Variants in COL6A6 observed in about 807,000 individuals in gnomAD.
COL6A6 encodes the protein collagen alpha-6(VI) chain.
A neutral mutation model predicts 208.6 loss-of-function variants in COL6A6; 183 were observed. The ratio of observed to expected loss-of-function variants is 0.88; its 90% CI spans 0.78 to 0.99. COL6A6 has a LOEUF of 0.99. Ranked by LOEUF, COL6A6 falls within the 50% of genes least tolerant of loss-of-function variation. The pLI is 0.00. For synonymous variants in COL6A6, 973 were observed against 1,011.8 expected (o/e 0.96, Z 0.73); for missense variants, 2,816 against 2,815.2 (o/e 1.00, Z -0.01).
intron 24 of COL6A6, among the ~76,000 whole-genome samples, chr3:130,623,435 G>C (rs1228432154): frequency 6.6e-6 from 1 of 152,156 alleles, no homozygotes; most frequent in African/African-American, 2.4e-5. Flanking sequence ...CTCCAGCCTG[G>C]GTGACAGAGT....
Position 130,610,691 on chromosome 3 carries a change from G to T in COL6A6, c.4795G>T (p.Val1599Leu). 6.3e-7 allele frequency: 1 copy of T among 1,590,998 alleles called. No homozygotes were observed. Among genetic ancestry groups the T allele is most frequent in the Non-Finnish European group, 8.6e-7 (1 of 1,167,996 alleles). ...EAGVKGEKGG[V>L]GSKGPQGPPG... ...TGGTGTGAAAGGAGAAAAAGGAGGT[G>T]TGGGAAGTAAAGGTCCCCAGGTATG... The change falls in exon 23 of 37, where the codon GTG (valine) becomes TTG (leucine). Residue 1599 changes from valine to leucine, a missense_variant. Val to Leu is a conservative substitution (Grantham distance 32, BLOSUM62 1). Transcript: ENST00000358511.
chr3:130,675,097 A>G, intron 36 of COL6A6, 105 bp from the exon 37 acceptor site: 1 of 744,496 alleles, frequency 1.3e-6, no homozygotes, highest in Non-Finnish European at 2.0e-6. Flanking sequence ...GAAGGCTGCA[A>G]CAAGGAAATG....
At chr3:130,635,281 A>G (rs1477614827) in intron 27 of COL6A6, among the ~76,000 whole-genome samples, 1 of 152,210 alleles carries the variant, frequency 6.6e-6, no homozygotes, top group Non-Finnish European at 1.5e-5. Flanking sequence ...AAAGAAAATA[A>G]GAGTTATTTG....
At chr3:130,540,337 T>C (rs556718434) in intron 1 of COL6A6, among the ~76,000 whole-genome samples, 1 of 152,340 alleles carries the variant, frequency 6.6e-6, no homozygotes, top group East Asian at 1.9e-4. Flanking sequence ...CTGCCTACGC[T>C]GGCACATCAT....
Position 130,568,233 on chromosome 3 carries a change from A to C in COL6A6, c.2030A>C (p.Asn677Thr), listed in dbSNP as rs761428456. ...ATCAATAAGGAAGAGTTTCAGCTCA[A>C]CAGATTCATGTCCCAAAGCGACATT... ...SDINKEEFQL[N>T]RFMSQSDISN... Residue 677 changes from asparagine (N) to threonine (T), a missense_variant, in exon 6 of 37, where the codon AAC (asparagine) becomes ACC (threonine). Asn to Thr is a moderately conservative substitution (Grantham distance 65, BLOSUM62 0). Coordinates refer to ENST00000358511, the MANE Select transcript of COL6A6 (RefSeq NM_001102608.3). The C allele has an allele frequency of 5.6e-6, 9 of 1,613,924 alleles. No individual in the cohort carries two copies. In the Admixed American group the frequency reaches 1.2e-4, roughly 21 times the overall value.
chr3:130,569,099 G>T (rs559327889), intron 6 of COL6A6, among the ~76,000 whole-genome samples: 1 of 152,128 alleles, frequency 6.6e-6, no homozygotes, highest in African/African-American at 2.4e-5. Context: ...CCTGTGTCAC[G>T]TGGGCTACAT....
Position 130,563,550 on chromosome 3 carries a change from C to A in COL6A6, c.547C>A (p.His183Asn). The A allele has an allele frequency of 6.2e-7, 1 of 1,614,028 alleles. No homozygotes were observed. The highest frequency in any genetic ancestry group is 8.5e-7 in the Non-Finnish European group (1 of 1,179,892). ...NLKAMATSQF[H>N]FNLRTVRDLS... is the part of the protein sequence containing the mutation. ...GAAGGCCATGGCCACGTCTCAGTTT[C>A]ATTTCAACCTTCGGACAGTCAGAGA... Residue 183 changes from histidine to asparagine, a missense_variant, in exon 3 of 37, where the codon CAT becomes AAT. By Grantham distance (68) the His-to-Asn change is moderately conservative. Transcript: ENST00000358511.
At chr3:130,627,878 A>G (rs2064938934) in intron 26 of COL6A6, among the ~76,000 whole-genome samples, 1 of 152,230 alleles carries the variant, frequency 6.6e-6, no homozygotes, top group Admixed American at 6.5e-5. Context: ...AAGACCAGTG[A>G]TTTCTGTATA....
At chr3:130,579,798 G>C (rs939637521) in intron 8 of COL6A6, among the ~76,000 whole-genome samples, 1 of 152,204 alleles carries the variant, frequency 6.6e-6, no homozygotes, top group South Asian at 2.1e-4. Context: ...TTTAAGGGCA[G>C]ATGTCTCAGT....
intron 1 of COL6A6, among the ~76,000 whole-genome samples, chr3:130,551,372 A>G (rs980301006): frequency 6.6e-6 from 1 of 152,086 alleles, no homozygotes; most frequent in Non-Finnish European, 1.5e-5. Flanking sequence ...CAGGAATTCA[A>G]TTTCTTCCTG....
intron 11 of COL6A6, among the ~76,000 whole-genome samples, chr3:130,587,800 C>T (rs1246536805): frequency 6.6e-6 from 1 of 152,148 alleles, no homozygotes; most frequent in Non-Finnish European, 1.5e-5. Flanking sequence ...AAAATAATTA[C>T]ATATAGAATA....
intron 32 of COL6A6, among the ~76,000 whole-genome samples, chr3:130,648,622 T>A (rs1432130544): frequency 6.6e-6 from 1 of 152,246 alleles, no homozygotes; most frequent in African/African-American, 2.4e-5. Flanking sequence ...TTCTTCCAAT[T>A]TTTCTAAAAT....
Position 130,658,752 on chromosome 3 carries a change from A to T in COL6A6, c.5810A>T (p.Gln1937Leu), listed in dbSNP as rs371764510. The change falls in exon 34 of 37, where the codon CAG becomes CTG. Residue 1937 changes from glutamine to leucine, a missense_variant. By Grantham distance (113) the Gln-to-Leu change is moderately radical (BLOSUM62 -2). Coordinates refer to ENST00000358511, the MANE Select transcript of COL6A6 (RefSeq NM_001102608.3). Reference protein sequence around the residue: ...ADYIPALERLQRCTFCYDVCK... With the variant: ...ADYIPALERLLRCTFCYDVCK... The stretch of plus-strand genomic sequence containing the variant: ...TACATACCAGCATTAGAGAGACTCC[A>T]GCGGTGCACTTTCTGCTATGGTAAG... 6.2e-6 allele frequency: 10 copies of T among 1,612,304 alleles called. No homozygotes were observed. The highest frequency in any genetic ancestry group is 8.5e-6 in the Non-Finnish European group (10 of 1,179,036).
intron 33 of COL6A6, among the ~76,000 whole-genome samples, chr3:130,652,383 C>G (rs151209428): frequency 1.5e-3 from 233 of 152,344 alleles, no homozygotes; most frequent in African/African-American, 5.2e-3. Flanking sequence ...ATAAACACAA[C>G]AAGGACCACA....
intron 10 of COL6A6, among the ~76,000 whole-genome samples, chr3:130,582,623 G>C (rs2063451790): frequency 6.6e-6 from 1 of 152,056 alleles, no homozygotes; most frequent in African/African-American, 2.4e-5. Context: ...AAGCTATTCT[G>C]AGTCAAACAA....
chr3:130,558,277 G>A (rs779174360), intron 1 of COL6A6, among the ~76,000 whole-genome samples: 4 of 151,950 alleles, frequency 2.6e-5, no homozygotes, highest in Admixed American at 1.3e-4. Context: ...CCTACCTCCC[G>A]AGCATGACCT....
intron 36 of COL6A6, among the ~76,000 whole-genome samples, chr3:130,667,271 C>CT (rs1173428994): frequency 6.6e-6 from 1 of 152,208 alleles, no homozygotes; most frequent in Non-Finnish European, 1.5e-5. Context: ...GAGTTTCACT[C>CT]TGTCGCCCAG....
At chr3:130,616,717 A>C (rs1280988085) in intron 23 of COL6A6, among the ~76,000 whole-genome samples, 1 of 152,096 alleles carries the variant, frequency 6.6e-6, no homozygotes, top group Non-Finnish European at 1.5e-5. Flanking sequence ...TGGAGTCCGG[A>C]GTAGAATTTC....
At position 130,627,326 on chromosome 3, in the gene COL6A6, A is replaced by AT. The variant is rs767907418; in HGVS notation, c.4950dup (p.Gly1651TrpfsTer7). The AT allele has an allele frequency of 3.7e-6, 6 of 1,613,538 alleles. No individual in the cohort carries two copies. Among genetic ancestry groups the AT allele is most frequent in the African/African-American group, 1.3e-5 (1 of 74,918 alleles). ...CAATTGCTCTGTTTACAGGGCAATG[A>AT]TGGCAGTCCAGGTTATGGTAGTGTC... On this transcript the variant is annotated frameshift_variant, in exon 26 of 37. Transcript: ENST00000358511. LOFTEE classifies it high-confidence loss of function.
Sources: gnomAD v4.1 joint callset for allele counts (sites outside exome capture counted in the v4.1 genomes callset) on GRCh38, gnomAD v4.1.1 for gene constraint, MANE v1.5 for transcripts, NCBI Gene and HGNC (gene_info 2026-07-23, HGNC 2026-07-21) for gene names.